The following NEXN variants were observed in gnomAD, a reference collection of about 807,000 sequenced individuals.
The protein encoded by NEXN is nexilin.
Under a neutral mutation model 92.6 loss-of-function variants are expected in NEXN, and 65 were observed. The ratio of observed to expected loss-of-function variants is 0.70; its 90% CI spans 0.57 to 0.86. The LOEUF is 0.86. NEXN is among the 40% of genes least tolerant of loss of function. The pLI is 0.00. For synonymous variants in NEXN, 254 were observed against 242.5 expected (o/e 1.05, Z -0.44); for missense variants, 778 against 771.1 (o/e 1.01, Z -0.11).
chr1:77,933,603 G>T, intron 10 of NEXN, 124 bp downstream of exon 10: 1 of 778,842 alleles, frequency 1.3e-6, no homozygotes, highest in Non-Finnish European at 2.2e-6. Flanking sequence ...ATTATGAGGT[G>T]CTTACATGGT....
chr1:77,927,432 T>C (rs1649942169), intron 8 of NEXN, among the ~76,000 whole-genome samples: 1 of 152,236 alleles, frequency 6.6e-6, no homozygotes, highest in Non-Finnish European at 1.5e-5. Context: ...ATCTGCAAAG[T>C]ACTTAATGAC....
intron 1 of NEXN, among the ~76,000 whole-genome samples, chr1:77,903,452 A>G (rs946064087): frequency 6.6e-6 from 1 of 152,188 alleles, no homozygotes; most frequent in Admixed American, 6.5e-5. Flanking sequence ...AAAAGATTGA[A>G]TAATTTGAAA....
In NEXN at chr1:77,942,532, C is replaced by G. The variant is rs371743669; in HGVS notation, c.1731C>G (p.Thr577=). Residue 577 remains threonine, a synonymous_variant, in exon 13 of 13, where the codon ACC becomes ACG. Coordinates refer to ENST00000334785, the MANE Select transcript of NEXN (RefSeq NM_144573.4). ...NGSTAEDEEQ[T]RSGAPWFKKP... ...CCACTGCTGAAGATGAAGAGCAAAC[C>G]AGATCAGGAGCTCCATGGTTCAAGA... is the stretch of plus-strand genomic sequence containing the variant. 3 of 1,613,682 alleles carry G rather than the reference C, an allele frequency of 1.9e-6. No individual in the cohort carries two copies. The highest frequency in any genetic ancestry group is 1.7e-6 in the Non-Finnish European group (2 of 1,179,802).
In NEXN at chr1:77,923,195, C is replaced by T. The variant is rs1280913418; in HGVS notation, c.448-1993C>T. Among the ~76,000 whole-genome samples the T allele has an allele frequency of 7.0e-5, 10 of 142,420 alleles. No individual in the cohort carries two copies. In the South Asian group the frequency reaches 1.1e-3, roughly 16 times the overall value. The allele number at this position is 142,420 out of a possible 152,430, so 93.4% of individuals were successfully genotyped here. Reference sequence around the variant, plus strand: ...TTTTTTTTTTGTAGAGAGAGGGTCTCGCCATGTTGCCCAGGTTGGTCTTGA... The same window carrying T: ...TTTTTTTTTTGTAGAGAGAGGGTCTTGCCATGTTGCCCAGGTTGGTCTTGA... On this transcript the variant is annotated intron_variant, in intron 5 of 12. Coordinates refer to ENST00000334785, the MANE Select transcript of NEXN (RefSeq NM_144573.4).
At chr1:77,939,233 A>C (rs1651050005) in intron 11 of NEXN, among the ~76,000 whole-genome samples, 1 of 152,188 alleles carries the variant, frequency 6.6e-6, no homozygotes, top group Non-Finnish European at 1.5e-5. Context: ...GCTATAGAGA[A>C]ATCAGGTCTG....
chr1:77,919,595 T>A (rs1293627950), intron 5 of NEXN, among the ~76,000 whole-genome samples: 3 of 151,526 alleles, frequency 2.0e-5, no homozygotes, highest in Non-Finnish European at 2.9e-5. Context: ...TTTTTTTTTT[T>A]TTTTTGAGAC....
Position 77,918,176 on chromosome 1 carries a change from A to C in NEXN, c.350A>C (p.Gln117Pro). 2 of 1,614,074 alleles carry C rather than the reference A, an allele frequency of 1.2e-6. No homozygotes were observed. The highest frequency in any genetic ancestry group is 1.7e-6 in the Non-Finnish European group (2 of 1,179,930). The change falls in exon 5 of 13, where the codon CAA (glutamine) becomes CCA (proline). Residue 117 changes from glutamine to proline, a missense_variant. Physicochemically the swap from Gln to Pro is moderately conservative, Grantham distance 76. Coordinates refer to ENST00000334785, the MANE Select transcript of NEXN (RefSeq NM_144573.4). ...ATGGAGAAACAAAGACAAGAGGAAC[A>C]AAGGAAGAGAACGGAGGAGGAACGA... ...AEMEKQRQEE[Q>P]RKRTEEERKR...
chr1:77,925,286 T>G, intron 6 of NEXN, 57 bp downstream of exon 6: 1 of 1,167,722 alleles, frequency 8.6e-7, no homozygotes, highest in Non-Finnish European at 1.3e-6. Flanking sequence ...ATTCACAAAT[T>G]ATCTTTTAGT....
intron 1 of NEXN, among the ~76,000 whole-genome samples, chr1:77,904,931 T>G (rs1422330692): frequency 6.6e-6 from 1 of 152,206 alleles, no homozygotes; most frequent in Non-Finnish European, 1.5e-5. Flanking sequence ...GTTATATTTC[T>G]CAGTGCCCAG....
chr1:77,904,712 A>C (rs565057856), intron 1 of NEXN, among the ~76,000 whole-genome samples: 1 of 152,218 alleles, frequency 6.6e-6, no homozygotes, highest in African/African-American at 2.4e-5. Flanking sequence ...GAAATCATTG[A>C]TCTTAGTCAT....
At chr1:77,920,012 G>T (rs963222691) in intron 5 of NEXN, among the ~76,000 whole-genome samples, 1 of 151,588 alleles carries the variant, frequency 6.6e-6, no homozygotes, top group African/African-American at 2.4e-5. Flanking sequence ...CGATTATCCT[G>T]CTTCAGTCTC....
chr1:77,920,713 T>C (rs1649356822), intron 5 of NEXN, among the ~76,000 whole-genome samples: 1 of 152,036 alleles, frequency 6.6e-6, no homozygotes, highest in Admixed American at 6.6e-5. Context: ...AGAAACTTGA[T>C]TTGATATTAT....
intron 1 of NEXN, among the ~76,000 whole-genome samples, chr1:77,900,805 A>G (rs1263602983): frequency 6.6e-6 from 1 of 152,150 alleles, no homozygotes; most frequent in Non-Finnish European, 1.5e-5. Context: ...CGTATTCTTG[A>G]TAACGATTCA....
At chr1:77,929,218 CCT>C (rs1170807878) in intron 8 of NEXN, 96 bp from the exon 9 acceptor site, 2 of 811,962 alleles carry the variant, frequency 2.5e-6, no homozygotes, top group Non-Finnish European at 4.2e-6. Flanking sequence ...CATTGAAACT[CCT>C]GTGTGATAGT....
intron 1 of NEXN, among the ~76,000 whole-genome samples, chr1:77,903,475 A>T (rs1484232565): frequency 6.6e-6 from 1 of 152,146 alleles, no homozygotes; most frequent in African/African-American, 2.4e-5. Context: ...GTTTATCAGG[A>T]TTCCGAAGAA....
chr1:77,904,584 T>C (rs1557964490), intron 1 of NEXN, among the ~76,000 whole-genome samples: 1 of 152,298 alleles, frequency 6.6e-6, no homozygotes, highest in East Asian at 1.9e-4. Flanking sequence ...ATAATTTAAT[T>C]GAACAAGATA....
intron 11 of NEXN, among the ~76,000 whole-genome samples, chr1:77,937,719 T>A (rs868028802): frequency 7.2e-5 from 11 of 152,006 alleles, no homozygotes; most frequent in African/African-American, 2.7e-4. Context: ...ATAAAAAAAA[T>A]TATTTGAATG....
At chr1:77,934,346 C>A (rs1270725556) in intron 10 of NEXN, among the ~76,000 whole-genome samples, 1 of 152,084 alleles carries the variant, frequency 6.6e-6, no homozygotes, top group Non-Finnish European at 1.5e-5. Context: ...GGTGATCGCA[C>A]TTTATTGCCC....
At chr1:77,930,145 C>A (rs1217014399) in intron 9 of NEXN, among the ~76,000 whole-genome samples, 1 of 152,210 alleles carries the variant, frequency 6.6e-6, no homozygotes, top group Non-Finnish European at 1.5e-5. Context: ...CTTCTTGAAA[C>A]ACTGTAATTA....
Sources: gnomAD v4.1 joint callset for allele counts (sites outside exome capture counted in the v4.1 genomes callset) on GRCh38, gnomAD v4.1.1 for gene constraint, MANE v1.5 for transcripts, NCBI Gene and HGNC (gene_info 2026-07-23, HGNC 2026-07-21) for gene names.